MPP7: variants seen among roughly 807,000 people sequenced by gnomAD.
MPP7 encodes MAGUK p55 subfamily member 7.
A neutral mutation model predicts 76.5 loss-of-function variants in MPP7; 60 were observed. That is an observed-to-expected ratio of 0.78 (90% CI 0.64 to 0.97). The LOEUF (loss-of-function observed/expected upper bound fraction) is 0.97. Among genes scored for constraint, MPP7 ranks in the 50% least tolerant of loss-of-function variants. The probability of loss-of-function intolerance (pLI) is 0.00; values close to 1 mark genes in which losing one functional copy is unlikely to be tolerated. For synonymous variants in MPP7, 237 were observed against 244.5 expected, an observed-to-expected ratio of 0.97 and a Z score of 0.29; for missense variants, 641 against 694.0, an observed-to-expected ratio of 0.92 and a Z score of 0.86.
intron 12 of MPP7, 77 bp from the exon 13 acceptor site, chr10:28,069,929 A>G (rs1352605914): frequency 9.6e-7 from 1 of 1,045,146 alleles, no homozygotes; most frequent in Non-Finnish European, 1.5e-6. Context: ...ATGAGTCTCT[A>G]AGACAGACTG....
intron 5 of MPP7, among the ~76,000 whole-genome samples, chr10:28,145,832 TTAAC>T (rs1199162922): frequency 6.6e-6 from 1 of 152,146 alleles, no homozygotes; most frequent in Non-Finnish European, 1.5e-5. Flanking sequence ...ATAATAAAAT[TTAAC>T]TAATTATTAT....
At chr10:28,072,428 A>G (rs1018628188) in intron 12 of MPP7, among the ~76,000 whole-genome samples, 1 of 152,204 alleles carries the variant, frequency 6.6e-6, no homozygotes, top group Non-Finnish European at 1.5e-5. Context: ...GGATGCAGTC[A>G]GATCTTTGTT....
chr10:28,268,203 C>T (rs1181487439), intron 1 of MPP7, among the ~76,000 whole-genome samples: 1 of 152,034 alleles, frequency 6.6e-6, no homozygotes, highest in Admixed American at 6.6e-5. Flanking sequence ...CACTGTGGGG[C>T]AGGGAACCGC....
At chr10:28,072,357 C>G (rs1041672166) in intron 12 of MPP7, among the ~76,000 whole-genome samples, 2 of 151,842 alleles carry the variant, frequency 1.3e-5, no homozygotes, top group African/African-American at 2.4e-5. Flanking sequence ...AGAAACCCCA[C>G]CACAGGCTGC....
At position 28,163,415 on chromosome 10, in the gene MPP7, A is replaced by G. The variant is rs145524426; in HGVS notation, c.157-13356T>C. ...ACTATCTTACCTATTCACCCTTACT[A>G]TTGCTTTCACAGCACAGTACCATAG... is the stretch of plus-strand genomic sequence containing the variant. On this transcript the variant is annotated intron_variant, in intron 3 of 16. Transcript: ENST00000683449. 5.4e-3 allele frequency among the ~76,000 whole-genome samples: 819 copies of G among 152,096 alleles called. 27 individuals are homozygous for G. Among genetic ancestry groups the G allele is most frequent in the Admixed American group, 0.05 (766 of 15,274 alleles).
intron 3 of MPP7, among the ~76,000 whole-genome samples, chr10:28,163,375 C>T (rs1266664305): frequency 6.6e-6 from 1 of 152,220 alleles, no homozygotes; most frequent in Non-Finnish European, 1.5e-5. Context: ...AGAGAGGTCT[C>T]TGTGATCCCA....
intron 12 of MPP7, among the ~76,000 whole-genome samples, chr10:28,076,998 C>T (rs1221073561): frequency 2.0e-5 from 3 of 150,376 alleles, no homozygotes; most frequent in Non-Finnish European, 2.9e-5. Flanking sequence ...GTCTCAGCTC[C>T]GGAGTGACTG....
Position 28,131,545 on chromosome 10 carries a change from A to G in MPP7, c.447+15T>C, listed in dbSNP as rs1291467639. On this transcript the variant is annotated intron_variant, in intron 6 of 16. Coordinates refer to ENST00000683449, the MANE Select transcript of MPP7 (RefSeq NM_001318170.2). The stretch of plus-strand genomic sequence containing the variant: ...CTATCATGGTATCTACTCATATCTG[A>G]GCACCAAAACTCACCAGTGGTTCTC... 3 of 1,570,260 alleles carry G rather than the reference A, an allele frequency of 1.9e-6. No homozygotes were observed. Among genetic ancestry groups the G allele is most frequent in the Middle Eastern group, 2.3e-4 (1 of 4,270 alleles).
chr10:28,235,821 G>C (rs979438528), intron 2 of MPP7, among the ~76,000 whole-genome samples: 1 of 152,102 alleles, frequency 6.6e-6, no homozygotes, highest in Non-Finnish European at 1.5e-5. Flanking sequence ...TATTATTTAA[G>C]GAATAAGAAG....
intron 1 of MPP7, among the ~76,000 whole-genome samples, chr10:28,287,934 C>G (rs1366027479): frequency 1.3e-5 from 2 of 152,124 alleles, no homozygotes; most frequent in Non-Finnish European, 2.9e-5. Context: ...TGGCCACTTG[C>G]AGAGTTTGAT....
At chr10:28,333,356 G>C (rs1014266704) in intron 1 of MPP7, among the ~76,000 whole-genome samples, 1 of 152,092 alleles carries the variant, frequency 6.6e-6, no homozygotes, top group African/African-American at 2.4e-5. Flanking sequence ...ATTTGGCCAG[G>C]CTGGTCTCGA....
chr10:28,178,346 C>T (rs1836943783), intron 3 of MPP7, among the ~76,000 whole-genome samples: 1 of 152,022 alleles, frequency 6.6e-6, no homozygotes, highest in Admixed American at 6.6e-5. Context: ...CATAGATCTT[C>T]CAATCAGCTC....
At chr10:28,115,940 TTGAC>T (rs746311236) in intron 11 of MPP7, among the ~76,000 whole-genome samples, 1 of 152,214 alleles carries the variant, frequency 6.6e-6, no homozygotes, top group Admixed American at 6.5e-5. Context: ...TCTTGTTTCT[TTGAC>T]TGCAAGAATT....
At chr10:28,118,575 C>T (rs962315821) in intron 11 of MPP7, 53 of 985,358 alleles carry the variant, frequency 5.4e-5, no homozygotes, top group African/African-American at 5.2e-4. Flanking sequence ...AAAGTCATCA[C>T]GCTTAAGAAC....
chr10:28,066,003 T>C (rs1346334097), intron 13 of MPP7, among the ~76,000 whole-genome samples: 1 of 152,236 alleles, frequency 6.6e-6, no homozygotes, highest in African/African-American at 2.4e-5. Flanking sequence ...GTTGTATTAA[T>C]AGTCATTCAG....
intron 8 of MPP7, 144 bp from the exon 9 acceptor site, chr10:28,120,812 T>G: frequency 1.8e-6 from 1 of 563,302 alleles, no homozygotes; most frequent in African/African-American, 1.9e-5. Flanking sequence ...AAACTATTTT[T>G]GTAGAAATTC....
chr10:28,331,406 G>C (rs1834468915), intron 1 of MPP7, among the ~76,000 whole-genome samples: 1 of 152,034 alleles, frequency 6.6e-6, no homozygotes, highest in Admixed American at 6.6e-5. Flanking sequence ...ATTATGATAT[G>C]AATTATAAGG....
At chr10:28,266,679 C>CT (rs1840159935) in intron 1 of MPP7, among the ~76,000 whole-genome samples, 1 of 152,182 alleles carries the variant, frequency 6.6e-6, no homozygotes, top group Non-Finnish European at 1.5e-5. Context: ...TTTGTAATCA[C>CT]TTTCTTAAAA....
intron 3 of MPP7, among the ~76,000 whole-genome samples, chr10:28,166,393 CCTTTTA>C (rs1836458529): frequency 6.7e-6 from 1 of 148,586 alleles, no homozygotes; most frequent in African/African-American, 2.5e-5. Flanking sequence ...TTATTTTTTA[CCTTTTA>C]ATTTTTTTTT....
Sources: gnomAD v4.1 joint callset for allele counts (sites outside exome capture counted in the v4.1 genomes callset) on GRCh38, gnomAD v4.1.1 for gene constraint, MANE v1.5 for transcripts, NCBI Gene and HGNC (gene_info 2026-07-23, HGNC 2026-07-21) for gene names.